The following FAM227B variants were observed in gnomAD, a reference collection of about 807,000 sequenced individuals.
The protein encoded by FAM227B is family with sequence similarity 227 member B.
FAM227B carries 88 observed loss-of-function variants against 73.8 expected under a neutral mutation model. That is an observed-to-expected ratio of 1.19 (90% CI 1.00 to 1.42). The LOEUF (loss-of-function observed/expected upper bound fraction) is 1.42, where lower values mean the gene tolerates loss of function less well. Ranked by LOEUF, FAM227B falls within the 40% of genes most tolerant of loss-of-function variation. The probability of loss-of-function intolerance (pLI) is 0.00; values close to 1 mark genes in which losing one functional copy is unlikely to be tolerated. For missense variants in FAM227B, 632 were observed against 590.9 expected, an observed-to-expected ratio of 1.07 and a Z score of -0.72; for synonymous variants, 210 against 190.5, an observed-to-expected ratio of 1.10 and a Z score of -0.84.
chr15:49,383,305 CTG>C (rs1261469560), intron 11 of FAM227B, among the ~76,000 whole-genome samples: 12 of 151,982 alleles, frequency 7.9e-5, no homozygotes, highest in Admixed American at 2.6e-4. Flanking sequence ...TCACGGAACT[CTG>C]TGTAGAGCAA....
intron 13 of FAM227B, among the ~76,000 whole-genome samples, chr15:49,364,233 C>T (rs1166688774): frequency 6.6e-6 from 1 of 152,054 alleles, no homozygotes; most frequent in Non-Finnish European, 1.5e-5. Context: ...GCTGTGAATC[C>T]ATCTAGTCCT....
intron 11 of FAM227B, among the ~76,000 whole-genome samples, chr15:49,504,605 T>TA (rs913965794): frequency 1.8e-4 from 26 of 146,968 alleles, no homozygotes; most frequent in East Asian, 3.9e-4. Context: ...TGTTAAAGTT[T>TA]AAAAAAAAAA....
At chr15:49,365,424 C>T (rs1164515242) in intron 13 of FAM227B, 7 of 971,362 alleles carry the variant, frequency 7.2e-6, no homozygotes, top group African/African-American at 6.4e-5. Context: ...CTACAGTACG[C>T]AAGCAACAGG....
At chr15:49,488,101 T>C (rs1010649653) in intron 11 of FAM227B, 4 of 151,962 alleles carry the variant, frequency 2.6e-5, no homozygotes, top group African/African-American at 7.2e-5. Flanking sequence ...TACATCGAAA[T>C]GGATGCAGGC....
In FAM227B at chr15:49,431,701, C is replaced by G. The variant is rs552768678; in HGVS notation, c.1013-60302G>C. Among the ~76,000 whole-genome samples, 136 of 151,624 alleles carry G rather than the reference C, an allele frequency of 9.0e-4. 5 individuals carry two copies. The South Asian group carries it at 0.027, about 30-fold the overall frequency. On this transcript the variant is annotated intron_variant, in intron 11 of 15. Transcript: ENST00000299338. ...AAGAGGAAGAAAATATCTTTGTGAA[C>G]AGGAGGAAAAAGAGCAAAAGAGAAA...
intron 11 of FAM227B, chr15:49,423,046 T>A (rs2049823941): frequency 4.5e-6 from 1 of 220,324 alleles, no homozygotes; most frequent in South Asian, 8.3e-5. Flanking sequence ...CAGAGATCTG[T>A]TTCTACAAAG....
At chr15:49,570,936 T>G (rs2075054781) in intron 8 of FAM227B, among the ~76,000 whole-genome samples, 3 of 147,972 alleles carry the variant, frequency 2.0e-5, no homozygotes, top group African/African-American at 7.4e-5. Context: ...TAAATATATA[T>G]TATATATAAT....
At chr15:49,583,794 CT>C (rs1394898188) in intron 5 of FAM227B, among the ~76,000 whole-genome samples, 1 of 152,104 alleles carries the variant, frequency 6.6e-6, no homozygotes, top group Non-Finnish European at 1.5e-5. Context: ...CACATATACC[CT>C]CCCAAGACTG....
chr15:49,328,678 AT>A lies in FAM227B; in HGVS notation c.1420-4del. ...CTCTCAATTTCAGCTTCGGAACGCTATGAAAATAATACATGATTAAAGTTTC... is the reference window on the plus strand; with the variant it reads ...CTCTCAATTTCAGCTTCGGAACGCTAGAAAATAATACATGATTAAAGTTTC... On this transcript the variant is annotated splice_polypyrimidine_tract_variant and splice_region_variant and intron_variant, in intron 15 of 15. Transcript: ENST00000299338. 1.3e-6 allele frequency: 2 copies of A among 1,553,842 alleles called. No individual in the cohort carries two copies.
At chr15:49,462,462 T>A (rs894699889) in intron 11 of FAM227B, among the ~76,000 whole-genome samples, 2 of 152,230 alleles carry the variant, frequency 1.3e-5, no homozygotes, top group African/African-American at 4.8e-5. Context: ...AGTCTCATAA[T>A]TCTCTTTTCC....
intron 2 of FAM227B, among the ~76,000 whole-genome samples, chr15:49,612,095 AT>A (rs995709626): frequency 1.8e-3 from 257 of 143,532 alleles, no homozygotes; most frequent in African/African-American, 5.6e-3. Flanking sequence ...TGGAGAGGCT[AT>A]TTTTTTTTAT....
At chr15:49,392,936 C>A (rs950069413) in intron 11 of FAM227B, among the ~76,000 whole-genome samples, 1 of 152,054 alleles carries the variant, frequency 6.6e-6, no homozygotes, top group Non-Finnish European at 1.5e-5. Context: ...TTGCCAAGGG[C>A]TTGCTTGAAA....
chr15:49,479,597 C>CTT (rs1567359064), intron 11 of FAM227B, among the ~76,000 whole-genome samples: 34 of 102,078 alleles, frequency 3.3e-4, no homozygotes, highest in Middle Eastern at 6.4e-3. Flanking sequence ...GTTAATACCT[C>CTT]TGTTTTTTTT....
intron 8 of FAM227B, among the ~76,000 whole-genome samples, chr15:49,570,356 G>A (rs1309871255): frequency 2.0e-5 from 3 of 151,886 alleles, no homozygotes; most frequent in African/African-American, 7.2e-5. Context: ...AGTTGTGTGA[G>A]ATGACATCCC....
rs151024784 is a variant in FAM227B, at chr15:49,376,477, T to C, written c.1013-5078A>G. 3.7e-4 allele frequency among the ~76,000 whole-genome samples: 56 copies of C among 152,202 alleles called. 1 individual carries two copies. In the East Asian group the frequency reaches 9.3e-3, roughly 25 times the overall value. ...CTCTCCAGTCTATTTCATTTACCTA[T>C]ATGTTTACCCTTATGCCAGTACCAC... On this transcript the variant is annotated intron_variant, in intron 11 of 15. Coordinates refer to ENST00000299338, the MANE Select transcript of FAM227B (RefSeq NM_152647.3).
intron 3 of FAM227B, among the ~76,000 whole-genome samples, chr15:49,594,623 G>A (rs974948574): frequency 2.0e-5 from 3 of 152,132 alleles, no homozygotes; most frequent in Non-Finnish European, 4.4e-5. Context: ...TGAGGATCCA[G>A]TTTCATCCTT....
intron 11 of FAM227B, among the ~76,000 whole-genome samples, chr15:49,372,500 G>A (rs2045911537): frequency 6.6e-6 from 1 of 152,026 alleles, no homozygotes; most frequent in Admixed American, 6.6e-5. Flanking sequence ...AAGCAACCTG[G>A]GCCTCTGCCT....
chr15:49,619,869 T>TC (rs1445883972), intron 1 of FAM227B, among the ~76,000 whole-genome samples: 1 of 152,184 alleles, frequency 6.6e-6, no homozygotes, highest in African/African-American at 2.4e-5. Flanking sequence ...TGAAATACAG[T>TC]AAGAAATACA....
intron 3 of FAM227B, among the ~76,000 whole-genome samples, chr15:49,607,516 T>C (rs1259511885): frequency 6.6e-6 from 1 of 152,158 alleles, no homozygotes; most frequent in Non-Finnish European, 1.5e-5. Flanking sequence ...TTAGGGGAGT[T>C]GAGGGAGAAG....
Sources: allele counts gnomAD v4.1 joint callset (sites outside exome capture counted in the v4.1 genomes callset), GRCh38; gene constraint gnomAD v4.1.1; transcripts MANE v1.5; gene names NCBI Gene and HGNC (gene_info 2026-07-23, HGNC 2026-07-21).